The following RBMS3 variants were observed in gnomAD, a reference collection of about 807,000 sequenced individuals.
RBMS3 encodes RNA binding motif single stranded interacting protein 3.
A neutral mutation model predicts 66.8 loss-of-function variants in RBMS3; 27 were observed. The ratio of observed to expected loss-of-function variants is 0.40; its 90% confidence interval spans 0.30 to 0.56. The LOEUF is 0.56. RBMS3 is among the 20% of genes least tolerant of loss of function. RBMS3 has a pLI of 0.40. For synonymous variants in RBMS3, 188 were observed against 183.0 expected, an observed-to-expected ratio of 1.03 and a Z score of -0.22; for missense variants, 513 against 549.5, an observed-to-expected ratio of 0.93 and a Z score of 0.66.
rs1466242192 is a variant in RBMS3 at position 29,536,730 on chromosome 3, T to A, written c.307+48231T>A. ...TTTCCAGGCAGGCCAATTAATTGTT[T>A]TGCTGTGATGCTGCCCTAAATTGTA... On this transcript the variant is annotated intron_variant, in intron 3 of 14. Coordinates refer to ENST00000383767, the MANE Select transcript of RBMS3 (RefSeq NM_001003793.3). 2.0e-5 allele frequency among the ~76,000 whole-genome samples: 3 copies of A among 152,338 alleles called. No homozygotes were observed. The East Asian group carries it at 5.8e-4, about 29-fold the overall frequency.
chr3:29,392,198 C>T (rs12631762), intron 1 of RBMS3, among the ~76,000 whole-genome samples: 26,818 of 151,930 alleles, frequency 0.18, 3,033 homozygotes, highest in East Asian at 0.56. Context: ...TGCAGTGAGC[C>T]GAGATTGTGC....
chr3:29,346,551 C>T (rs144422111), intron 1 of RBMS3, among the ~76,000 whole-genome samples: 1,648 of 151,692 alleles, frequency 0.011, 41 homozygotes, highest in African/African-American at 0.038. Flanking sequence ...TTACAGGTGC[C>T]GACCACCATG....
intron 2 of RBMS3, among the ~76,000 whole-genome samples, chr3:29,477,450 A>G (rs1180139899): frequency 8.1e-6 from 1 of 124,042 alleles, no homozygotes; most frequent in African/African-American, 3.3e-5. Context: ...AGGGTCAGGG[A>G]TATAACAAAC....
chr3:29,468,712 T>A (rs903285450), intron 2 of RBMS3, among the ~76,000 whole-genome samples: 1 of 152,170 alleles, frequency 6.6e-6, no homozygotes, highest in Non-Finnish European at 1.5e-5. Context: ...GCTTCCTTTT[T>A]CTTTTTTCTT....
At chr3:29,915,268 C>T (rs528765869) in intron 10 of RBMS3, among the ~76,000 whole-genome samples, 15 of 151,924 alleles carry the variant, frequency 9.9e-5, no homozygotes, top group African/African-American at 2.7e-4. Context: ...TTTTCTCTAA[C>T]GTTCTGGTTG....
chr3:29,657,232 C>T (rs961815762), intron 4 of RBMS3, among the ~76,000 whole-genome samples: 3 of 152,154 alleles, frequency 2.0e-5, no homozygotes, highest in African/African-American at 7.2e-5. Context: ...TTATAATCTA[C>T]CAGGTATATG....
intron 4 of RBMS3, among the ~76,000 whole-genome samples, chr3:29,625,382 G>C (rs1310986502): frequency 6.6e-6 from 1 of 152,068 alleles, no homozygotes; most frequent in Non-Finnish European, 1.5e-5. Context: ...TGATCCTGTA[G>C]AAGACAATTT....
At chr3:29,999,758 T>TGGGGTGGGG (rs1699489987) in intron 14 of RBMS3, among the ~76,000 whole-genome samples, 1 of 145,396 alleles carries the variant, frequency 6.9e-6, no homozygotes, top group African/African-American at 2.6e-5. Context: ...GGGACTGTTG[T>TGGGGTGGGG]GGGGTGGGGG....
intron 2 of RBMS3, among the ~76,000 whole-genome samples, chr3:29,478,846 A>G (rs760653706): frequency 1.3e-5 from 2 of 152,204 alleles, no homozygotes; most frequent in Admixed American, 1.3e-4. Flanking sequence ...GCTTCAAGGA[A>G]CAAGTTTCTT....
chr3:29,974,134 C>A (rs1229132274), intron 12 of RBMS3, among the ~76,000 whole-genome samples: 2 of 151,818 alleles, frequency 1.3e-5, no homozygotes, highest in African/African-American at 4.8e-5. Context: ...ATTTTGTAAC[C>A]ATAAGACTTA....
chr3:29,560,152 G>A (rs1267168660), intron 3 of RBMS3, among the ~76,000 whole-genome samples: 1 of 152,156 alleles, frequency 6.6e-6, no homozygotes, highest in Non-Finnish European at 1.5e-5. Flanking sequence ...TCCTCTTACA[G>A]AAACATACAA....
chr3:29,594,921 T>C (rs930594705), intron 4 of RBMS3, among the ~76,000 whole-genome samples: 4 of 152,238 alleles, frequency 2.6e-5, no homozygotes, highest in Non-Finnish European at 5.9e-5. Context: ...GCAAGGACTC[T>C]ACTATGTCAT....
chr3:29,824,461 T>C (rs7648919), intron 6 of RBMS3, among the ~76,000 whole-genome samples: 62,329 of 151,968 alleles, frequency 0.41, 13,295 homozygotes, highest in Non-Finnish European at 0.47. Flanking sequence ...AAGACAATAG[T>C]CTTCACAAAA....
At chr3:29,842,558 C>A (rs1457646503) in intron 6 of RBMS3, among the ~76,000 whole-genome samples, 1 of 152,046 alleles carries the variant, frequency 6.6e-6, no homozygotes, top group East Asian at 1.9e-4. Flanking sequence ...TGTCTTTTTG[C>A]CTTTTCTTTC....
intron 6 of RBMS3, among the ~76,000 whole-genome samples, chr3:29,805,783 A>G (rs2149449791): frequency 6.6e-6 from 1 of 152,230 alleles, no homozygotes; most frequent in East Asian, 1.9e-4. Context: ...GATTAAGTTT[A>G]TAAACTAAAA....
At chr3:29,326,962 C>A (rs1032381558) in intron 1 of RBMS3, among the ~76,000 whole-genome samples, 1 of 152,096 alleles carries the variant, frequency 6.6e-6, no homozygotes, top group Non-Finnish European at 1.5e-5. Context: ...GATCTCCTGA[C>A]CTCATGATCT....
intron 4 of RBMS3, among the ~76,000 whole-genome samples, chr3:29,679,691 G>A (rs978919534): frequency 6.6e-6 from 1 of 151,356 alleles, no homozygotes; most frequent in Admixed American, 6.6e-5. Flanking sequence ...CCAGTCTAGA[G>A]GATAGATAAC....
intron 1 of RBMS3, among the ~76,000 whole-genome samples, chr3:29,418,807 T>C (rs796877463): frequency 2.6e-5 from 4 of 152,312 alleles, no homozygotes; most frequent in African/African-American, 9.6e-5. Context: ...ACCATGCTAA[T>C]AGCAAAAGTC....
intron 1 of RBMS3, among the ~76,000 whole-genome samples, chr3:29,383,751 C>T (rs149657456): frequency 2.1e-3 from 321 of 152,260 alleles, no homozygotes; most frequent in African/African-American, 7.3e-3. Flanking sequence ...CTCTGACTAT[C>T]CAGGTTCAAA....
Sources: allele counts gnomAD v4.1 joint callset (sites outside exome capture counted in the v4.1 genomes callset), GRCh38; gene constraint gnomAD v4.1.1; transcripts MANE v1.5; gene names NCBI Gene and HGNC (gene_info 2026-07-23, HGNC 2026-07-21).